CLCN6: variants seen among roughly 807,000 people sequenced by gnomAD.
CLCN6 encodes the protein Cl-/H+ antiporter 6.
CLCN6 carries 70 observed loss-of-function variants against 109.8 expected under a neutral mutation model. That is an observed-to-expected ratio of 0.64 (90% CI 0.53 to 0.78). The LOEUF is 0.78. CLCN6 is among the 30% of genes least tolerant of loss of function. The pLI is 0.00. For synonymous variants in CLCN6, 444 were observed against 447.8 expected (o/e 0.99, Z 0.11); for missense variants, 984 against 1,142.3 (o/e 0.86, Z 2.00).
At position 11,817,282 on chromosome 1, in the gene CLCN6, G is replaced by A. The variant is rs112081815; in HGVS notation, c.279+602G>A. On this transcript the variant is annotated intron_variant, in intron 4 of 22. Transcript: ENST00000346436. The stretch of plus-strand genomic sequence containing the variant: ...AGGGAAAAAGCGAAGTCGTGGGTAC[G>A]GAACTGTGAACATCGTGCCCTTCAT... 3.6e-3 allele frequency among the ~76,000 whole-genome samples: 547 copies of A among 152,226 alleles called. 1 individual carries two copies. The highest frequency in any genetic ancestry group is 0.013 in the African/African-American group (526 of 41,524).
chr1:11,812,717 T>A (rs1360710936), intron 2 of CLCN6, among the ~76,000 whole-genome samples: 1 of 143,092 alleles, frequency 7.0e-6, no homozygotes, highest in Non-Finnish European at 1.5e-5. Context: ...TGTGTATTGT[T>A]GGGGCTCAGA....
intron 13 of CLCN6, among the ~76,000 whole-genome samples, chr1:11,832,959 G>T (rs1488084057): frequency 6.6e-6 from 1 of 151,730 alleles, no homozygotes; most frequent in African/African-American, 2.4e-5. Flanking sequence ...GCAGCCTGGA[G>T]GACTGGGTCT....
chr1:11,816,537 C>T (rs1644674437), intron 3 of CLCN6, 78 bp from the exon 4 acceptor site: 1 of 1,346,580 alleles, frequency 7.4e-7, no homozygotes, highest in Non-Finnish European at 1.0e-6. Context: ...TAGCTTAAAA[C>T]TGGTTGGCCA....
chr1:11,840,666 C>T lies in CLCN6; in HGVS notation c.*443C>T, dbSNP rs368201627. 4.1e-6 allele frequency: 1 copy of T among 246,304 alleles called. No individual in the cohort carries two copies. Among genetic ancestry groups the T allele is most frequent in the East Asian group, 8.9e-5 (1 of 11,256 alleles). The allele number at this position is 246,304 out of a possible 1,614,324, so 15.3% of individuals were successfully genotyped here. ...CTGGGGAGATGCCAGTGACAACATA[C>T]AGTTCATGACTAGGTTTAGGAATTG... On this transcript the variant is annotated 3_prime_UTR_variant, in exon 23 of 23. Coordinates refer to ENST00000346436, the MANE Select transcript of CLCN6 (RefSeq NM_001286.5).
chr1:11,812,664 TTGTGTGTGTGTGTGTGTGTGTGTGTG>T (rs61487985), intron 2 of CLCN6, among the ~76,000 whole-genome samples: 5 of 127,020 alleles, frequency 3.9e-5, no homozygotes, highest in Admixed American at 2.4e-4. Context: ...CAAAGTATGT[TTGTGTGTGTGTGTGTGTGTGTGTGTG>T]TGTGTGTGTG....
At position 11,823,812 on chromosome 1, in the gene CLCN6, G is replaced by A. The variant is rs778204669; in HGVS notation, c.559G>A (p.Val187Met). ...LRTLLCKVLG[V>M]LFSVAGGLFV... ...GACCCTGCTCTGCAAGGTCCTTGGA[G>A]TGCTGTTCAGTGTGGCTGGAGGTAA... The change falls in exon 7 of 23, where the codon GTG becomes ATG. Residue 187 changes from valine to methionine, a missense_variant. Val to Met is a conservative substitution (Grantham distance 21). Transcript: ENST00000346436. The A allele has an allele frequency of 5.0e-6, 8 of 1,614,150 alleles. No individual in the cohort carries two copies. The highest frequency in any genetic ancestry group is 1.3e-5 in the African/African-American group (1 of 74,958).
intron 4 of CLCN6, 128 bp from the exon 5 acceptor site, chr1:11,819,360 C>A: frequency 1.2e-6 from 1 of 821,164 alleles, no homozygotes. Flanking sequence ...CATTCACGTA[C>A]TGCTGGCTGG....
intron 8 of CLCN6, 92 bp from the exon 9 acceptor site, chr1:11,826,064 G>A: frequency 1.0e-6 from 1 of 973,330 alleles, no homozygotes; most frequent in Non-Finnish European, 1.6e-6. Flanking sequence ...CCTGACCTGT[G>A]TTCTTTTTTT....
chr1:11,835,870 G>A (rs927690641), intron 17 of CLCN6, 97 bp from the exon 18 acceptor site: 6 of 886,112 alleles, frequency 6.8e-6, no homozygotes, highest in Admixed American at 2.8e-5. Context: ...CCCCCACCCC[G>A]CCCGTGGTCT....
chr1:11,807,292 T>C, intron 2 of CLCN6, 102 bp downstream of exon 2: 2 of 1,046,314 alleles, frequency 1.9e-6, no homozygotes, highest in Non-Finnish European at 2.9e-6. Context: ...TTTGACCTTC[T>C]GTCCCAGGGA....
Position 11,823,707 on chromosome 1 carries a change from C to T in CLCN6, c.454C>T (p.Pro152Ser), listed in dbSNP as rs1557784446. The change falls in exon 7 of 23, where the codon CCG becomes TCG. Residue 152 changes from proline to serine, a missense_variant and splice_region_variant. Coordinates refer to ENST00000346436, the MANE Select transcript of CLCN6 (RefSeq NM_001286.5). ...FLASLLVLIE[P>S]VAAGSGIPEV... ...GGGTGTGCCTGCTCTCCTCCATCAGCCGGTGGCAGCAGGTTCCGGGATACC... is the reference window on the plus strand; with the variant it reads ...GGGTGTGCCTGCTCTCCTCCATCAGTCGGTGGCAGCAGGTTCCGGGATACC... 1 of 1,614,172 alleles carries T rather than the reference C, an allele frequency of 6.2e-7. No homozygotes were observed. Among genetic ancestry groups the T allele is most frequent in the Non-Finnish European group, 8.5e-7 (1 of 1,179,988 alleles).
At chr1:11,831,372 G>C (rs1398991464) in intron 13 of CLCN6, among the ~76,000 whole-genome samples, 1 of 151,844 alleles carries the variant, frequency 6.6e-6, no homozygotes, top group Non-Finnish European at 1.5e-5. Context: ...GGCTGGGCTT[G>C]TTTTGAACTC....
chr1:11,834,246 T>C lies in CLCN6; in HGVS notation c.1537T>C (p.Leu513=), dbSNP rs1195456287. ...VANVLKSYIG[L]GHIYSGTFAL... ...GTTTTCCTTCACTAGCTACATTGGA[T>C]TGGGCCACATCTATTCGGGGACCTT... is the stretch of plus-strand genomic sequence containing the variant. Residue 513 remains leucine (L), a synonymous_variant, in exon 16 of 23, where the codon TTG becomes CTG. Coordinates refer to ENST00000346436, the MANE Select transcript of CLCN6 (RefSeq NM_001286.5). The surrounding 1 kb of genome is among the most constrained non-coding windows in gnomAD (Gnocchi z 4.5). 6.2e-7 allele frequency: 1 copy of C among 1,613,326 alleles called. No individual in the cohort carries two copies. The highest frequency in any genetic ancestry group is 1.1e-5 in the South Asian group (1 of 91,018).
At position 11,828,515 on chromosome 1, in the gene CLCN6, G is replaced by T. The variant is rs375121549; in HGVS notation, c.1012G>T (p.Val338Phe). The T allele has an allele frequency of 1.2e-6, 2 of 1,614,046 alleles. No homozygotes were observed. The highest frequency in any genetic ancestry group is 1.7e-6 in the Non-Finnish European group (2 of 1,180,028). Reference protein sequence around the residue: ...LWTAMDLGFFVVMGVIGGLLG... With the variant: ...LWTAMDLGFFFVMGVIGGLLG... ...GACAGCTATGGATTTGGGTTTCTTC[G>T]TCGTGATGGGGGTCATTGGGGGCCT... The change falls in exon 12 of 23, where the codon GTC (valine) becomes TTC (phenylalanine). Residue 338 changes from valine to phenylalanine, a missense_variant. By Grantham distance (50) the Val-to-Phe change is conservative. Coordinates refer to ENST00000346436, the MANE Select transcript of CLCN6 (RefSeq NM_001286.5).
chr1:11,812,727 A>AAATG (rs1644617977), intron 2 of CLCN6, among the ~76,000 whole-genome samples: 1 of 148,546 alleles, frequency 6.7e-6, no homozygotes, highest in African/African-American at 2.5e-5. Context: ...TGGGGCTCAG[A>AAATG]AAATGATACC....
At position 11,823,596 on chromosome 1, in the gene CLCN6, C is replaced by T. The variant is rs59096086; in HGVS notation, c.454-111C>T. ...CTGCAAGCCCTCCAGGTGACGCTCACGCTGCTAATGAAGGTGGCCAGCTCT... is the reference window on the plus strand; with the variant it reads ...CTGCAAGCCCTCCAGGTGACGCTCATGCTGCTAATGAAGGTGGCCAGCTCT... On this transcript the variant is annotated intron_variant, in intron 6 of 22. Transcript: ENST00000346436. The T allele has an allele frequency of 5.6e-3, 8,072 of 1,431,436 alleles. 323 individuals carry two copies. In the African/African-American group the frequency reaches 0.093, roughly 16 times the overall value. 88.7% of individuals were successfully genotyped at this position (1,431,436 alleles called of 1,614,324 possible).
Position 11,837,424 on chromosome 1 carries a change from C to G in CLCN6, c.2220C>G (p.Thr740=). ...WTMEERFRPL[T]FHGLILRSQL... ...TGGAGGAGCGGTTCCGCCCTCTGACCTTCCACGGCCTGATCCTTCGGTCGC... is the reference window on the plus strand; with the variant it reads ...TGGAGGAGCGGTTCCGCCCTCTGACGTTCCACGGCCTGATCCTTCGGTCGC... The change falls in exon 20 of 23, where the codon ACC becomes ACG. Residue 740 remains threonine, a synonymous_variant. Transcript: ENST00000346436. The G allele has an allele frequency of 6.2e-7, 1 of 1,614,212 alleles. No individual in the cohort carries two copies. Among genetic ancestry groups the G allele is most frequent in the Non-Finnish European group, 8.5e-7 (1 of 1,180,032 alleles).
chr1:11,837,168 G>A lies in CLCN6; in HGVS notation c.2138+12G>A, dbSNP rs1039224065. On this transcript the variant is annotated intron_variant, in intron 19 of 22. Coordinates refer to ENST00000346436, the MANE Select transcript of CLCN6 (RefSeq NM_001286.5). ...ATGCTGGAAAGGAGGTGAGAGCCTG[G>A]CGGGGCCCCCACTGCCCGCAGGGCT... The A allele has an allele frequency of 3.7e-6, 6 of 1,611,218 alleles. No individual in the cohort carries two copies. The African/African-American group carries it at 4.0e-5, about 11-fold the overall frequency.
chr1:11,806,933 A>G, intron 1 of CLCN6, 198 bp from the exon 2 acceptor site: 1 of 581,788 alleles, frequency 1.7e-6, no homozygotes, highest in South Asian at 2.2e-5. Context: ...TATCAGTGGA[A>G]ATGAAGAGCT....
Sources: gnomAD v4.1 joint callset for allele counts (sites outside exome capture counted in the v4.1 genomes callset) on GRCh38, gnomAD v4.1.1 for gene constraint, Gnocchi (gnomAD v3.1) non-coding constraint, MANE v1.5 for transcripts, NCBI Gene and HGNC (gene_info 2026-07-23, HGNC 2026-07-21) for gene names.